The following DCC variants were observed in gnomAD, a reference collection of about 807,000 sequenced individuals.
DCC encodes the protein netrin receptor DCC.
A neutral mutation model predicts 172.5 loss-of-function variants in DCC; 58 were observed. The observed-to-expected ratio is 0.34, with a 90% confidence interval of 0.27 to 0.42. The LOEUF is 0.42. DCC is among the 10% of genes least tolerant of loss of function. DCC has a pLI of 1.00. For synonymous variants in DCC, 709 were observed against 644.5 expected (o/e 1.10, Z -1.52); for missense variants, 1,740 against 1,791.0 (o/e 0.97, Z 0.51).
rs1404459112 is a variant in DCC, at chr18:53,410,498, C to T, written c.2982C>T (p.Asp994=). The change falls in exon 20 of 29, where the codon GAC becomes GAT. Residue 994 remains aspartate (D), a synonymous_variant. Transcript: ENST00000442544. ...YTLDKNIPID[D]WIMETISGDR... ...TGGACAAGAACATCCCAATTGATGA[C>T]TGGATTATGGAAACAATCAGTGGTG... The T allele has an allele frequency of 8.1e-6, 13 of 1,609,698 alleles. No homozygotes were observed. In the African/African-American group the frequency reaches 1.3e-4, roughly 17 times the overall value.
intron 1 of DCC, among the ~76,000 whole-genome samples, chr18:52,478,790 A>T (rs1989169529): frequency 6.6e-6 from 1 of 152,190 alleles, no homozygotes; most frequent in African/African-American, 2.4e-5. Flanking sequence ...ACAGCATCAA[A>T]GAGATGGGGT....
At chr18:52,842,802 G>A (rs1049432517) in intron 2 of DCC, among the ~76,000 whole-genome samples, 1 of 152,158 alleles carries the variant, frequency 6.6e-6, no homozygotes, top group African/African-American at 2.4e-5. Context: ...CTCCTTTCAT[G>A]CTTTCCTAAC....
At chr18:53,460,371 G>A (rs1368750093) in intron 24 of DCC, among the ~76,000 whole-genome samples, 7 of 141,574 alleles carry the variant, frequency 4.9e-5, no homozygotes, top group African/African-American at 1.3e-4. Flanking sequence ...ATGCTGGTGC[G>A]CTGCACCCAC....
chr18:53,516,571 C>G (rs932274949), intron 27 of DCC, among the ~76,000 whole-genome samples: 6 of 151,072 alleles, frequency 4.0e-5, no homozygotes, highest in African/African-American at 1.5e-4. Context: ...GGCTAATATC[C>G]AGAATCTACA....
intron 7 of DCC, among the ~76,000 whole-genome samples, chr18:53,119,096 G>A (rs1268838694): frequency 6.6e-6 from 1 of 151,696 alleles, no homozygotes; most frequent in Non-Finnish European, 1.5e-5. Flanking sequence ...AGGTACTGTG[G>A]TACATTTATG....
intron 7 of DCC, among the ~76,000 whole-genome samples, chr18:53,067,083 A>G (rs2042582220): frequency 6.6e-6 from 1 of 152,194 alleles, no homozygotes; most frequent in Non-Finnish European, 1.5e-5. Context: ...TGGGGATTGC[A>G]ATTAGACATG....
At chr18:53,307,753 G>T (rs1229387971) in intron 13 of DCC, among the ~76,000 whole-genome samples, 2 of 150,760 alleles carry the variant, frequency 1.3e-5, no homozygotes, top group African/African-American at 4.9e-5. Flanking sequence ...AAATGAGTTA[G>T]CATTTTCCTT....
At chr18:52,412,228 A>G (rs544780867) in intron 1 of DCC, among the ~76,000 whole-genome samples, 3 of 152,164 alleles carry the variant, frequency 2.0e-5, no homozygotes, top group African/African-American at 7.2e-5. Flanking sequence ...AGGCATGTAT[A>G]CACATGTATG....
chr18:52,696,227 A>G (rs1472010711), intron 1 of DCC, among the ~76,000 whole-genome samples: 2 of 152,234 alleles, frequency 1.3e-5, no homozygotes, highest in African/African-American at 4.8e-5. Context: ...AAGTGGAATC[A>G]TATGTGACCT....
chr18:52,928,666 A>G (rs1285932547), intron 5 of DCC, among the ~76,000 whole-genome samples: 1 of 152,164 alleles, frequency 6.6e-6, no homozygotes, highest in Non-Finnish European at 1.5e-5. Flanking sequence ...TTGTTACAGT[A>G]TCCTCTGTGG....
intron 12 of DCC, among the ~76,000 whole-genome samples, chr18:53,244,007 G>T (rs745946318): frequency 1.1e-4 from 17 of 152,090 alleles, no homozygotes; most frequent in Non-Finnish European, 2.4e-4. Context: ...AGATGATTAT[G>T]AAAAATATGA....
At chr18:52,751,313 A>C (rs1384291485) in intron 1 of DCC, among the ~76,000 whole-genome samples, 1 of 152,172 alleles carries the variant, frequency 6.6e-6, no homozygotes, top group Non-Finnish European at 1.5e-5. Context: ...AACTGATTAT[A>C]CTTGCTTCCT....
At chr18:52,513,706 T>G (rs181293283) in intron 1 of DCC, among the ~76,000 whole-genome samples, 147 of 152,288 alleles carry the variant, frequency 9.7e-4, no homozygotes, top group Admixed American at 1.6e-3. Flanking sequence ...ACTAGGTCCC[T>G]TTCCTCCATA....
At chr18:52,488,521 G>A (rs2030341397) in intron 1 of DCC, among the ~76,000 whole-genome samples, 1 of 152,024 alleles carries the variant, frequency 6.6e-6, no homozygotes, top group Admixed American at 6.6e-5. Context: ...AGGTAGAAAG[G>A]AGAGAGAAAA....
At chr18:52,827,922 C>A (rs574499228) in intron 2 of DCC, among the ~76,000 whole-genome samples, 44 of 152,072 alleles carry the variant, frequency 2.9e-4, no homozygotes, top group Non-Finnish European at 5.3e-4. Context: ...CAGGTCTGTG[C>A]TTGGTTTTGT....
At position 53,300,968 on chromosome 18, in the gene DCC, T is replaced by TCTTC. The variant is rs1183051324; in HGVS notation, c.1912-4607_1912-4606insCCTT. Among the ~76,000 whole-genome samples, 232 of 128,964 alleles carry TCTTC rather than the reference T, an allele frequency of 1.8e-3. 2 individuals are homozygous for TCTTC. The highest frequency in any genetic ancestry group is 6.5e-3 in the African/African-American group (226 of 34,756). The allele number at this position is 128,964 out of a possible 152,430, so 84.6% of individuals were successfully genotyped here. ...TGACGTTGGTTCTGGATTCATTCTT[T>TCTTC]CTTTCTTTCTTTCTTTCTTTCTTTT... On this transcript the variant is annotated intron_variant, in intron 12 of 28. Coordinates refer to ENST00000442544, the MANE Select transcript of DCC (RefSeq NM_005215.4).
chr18:53,457,891 CAAGA>C (rs2045502991), intron 23 of DCC, among the ~76,000 whole-genome samples: 1 of 151,898 alleles, frequency 6.6e-6, no homozygotes, highest in Admixed American at 6.6e-5. Context: ...CAGCACGCTT[CAAGA>C]AAGACAAAAA....
At chr18:53,231,349 T>G (rs2056118551) in intron 12 of DCC, among the ~76,000 whole-genome samples, 1 of 152,044 alleles carries the variant, frequency 6.6e-6, no homozygotes, top group Non-Finnish European at 1.5e-5. Context: ...TCATAAATGA[T>G]CATAAAATAC....
chr18:52,719,246 TA>T (rs2036436505), intron 1 of DCC, among the ~76,000 whole-genome samples: 1 of 152,146 alleles, frequency 6.6e-6, no homozygotes, highest in African/African-American at 2.4e-5. Context: ...ACCTTATCTC[TA>T]AATAACATCA....
Sources: gnomAD v4.1 joint callset for allele counts (sites outside exome capture counted in the v4.1 genomes callset) on GRCh38, gnomAD v4.1.1 for gene constraint, MANE v1.5 for transcripts, NCBI Gene and HGNC (gene_info 2026-07-23, HGNC 2026-07-21) for gene names.